Variants in MAST4 observed in about 807,000 individuals in gnomAD.
MAST4 encodes the protein microtubule-associated serine/threonine-protein kinase 4.
In MAST4, 89 loss-of-function variants were observed where a neutral mutation model predicts 162.7. That is an observed-to-expected ratio of 0.55 (90% confidence interval 0.46 to 0.65). The LOEUF (loss-of-function observed/expected upper bound fraction) is 0.65, where lower values mean the gene tolerates loss of function less well. Among genes scored for constraint, MAST4 ranks in the 30% least tolerant of loss-of-function variants. MAST4 has a pLI of 0.00. For missense variants in MAST4, 3,153 were observed against 3,374.0 expected (o/e 0.93, Z 1.62); for synonymous variants, 1,479 against 1,361.1 (o/e 1.09, Z -1.91).
chr5:66,633,767 C>A (rs1433073183), intron 1 of MAST4, among the ~76,000 whole-genome samples: 2 of 152,170 alleles, frequency 1.3e-5, no homozygotes, highest in African/African-American at 4.8e-5. Flanking sequence ...TGCCTATCAT[C>A]TTCATTTTTT....
intron 3 of MAST4, among the ~76,000 whole-genome samples, chr5:66,887,497 A>G (rs568880471): frequency 6.6e-6 from 1 of 152,340 alleles, no homozygotes; most frequent in African/African-American, 2.4e-5. Context: ...TATCTTTCTC[A>G]TATAAAAATA....
At chr5:66,920,365 T>C (rs961829552) in intron 4 of MAST4, among the ~76,000 whole-genome samples, 5 of 152,226 alleles carry the variant, frequency 3.3e-5, no homozygotes, top group African/African-American at 7.2e-5. Flanking sequence ...TGTGTATCTG[T>C]GTAAATTCCA....
At chr5:66,672,400 A>T (rs1747665661) in intron 1 of MAST4, among the ~76,000 whole-genome samples, 1 of 152,156 alleles carries the variant, frequency 6.6e-6, no homozygotes. Context: ...CAGTCATTTT[A>T]ATGTACATCT....
At chr5:66,731,356 C>T (rs945079772) in intron 1 of MAST4, among the ~76,000 whole-genome samples, 1 of 152,188 alleles carries the variant, frequency 6.6e-6, no homozygotes, top group Admixed American at 6.5e-5. Flanking sequence ...AGTTTAATTA[C>T]ATCACCTTTC....
At chr5:67,085,366 T>TG (rs1210298046) in intron 5 of MAST4, among the ~76,000 whole-genome samples, 2 of 152,052 alleles carry the variant, frequency 1.3e-5, no homozygotes, top group Non-Finnish European at 2.9e-5. Context: ...CTTCCACTCT[T>TG]GCCTGCTTAA....
chr5:67,138,023 G>C (rs570087661), intron 19 of MAST4, among the ~76,000 whole-genome samples: 70 of 152,298 alleles, frequency 4.6e-4, no homozygotes, highest in Non-Finnish European at 9.6e-4. Context: ...CAGTGGTTGA[G>C]TGGACTTTTA....
intron 5 of MAST4, among the ~76,000 whole-genome samples, chr5:67,063,044 T>C (rs796292796): frequency 3.9e-5 from 6 of 152,242 alleles, no homozygotes; most frequent in South Asian, 2.1e-4. Context: ...AGATTTCTTA[T>C]AGTGTGTATG....
intron 1 of MAST4, among the ~76,000 whole-genome samples, chr5:66,689,738 T>C (rs1459932146): frequency 6.6e-5 from 10 of 152,182 alleles, no homozygotes; most frequent in Non-Finnish European, 1.0e-4. Flanking sequence ...TAGCTCAGCA[T>C]TTCTGATTAA....
intron 3 of MAST4, among the ~76,000 whole-genome samples, chr5:66,881,537 C>T (rs148488222): frequency 6.6e-6 from 1 of 152,316 alleles, no homozygotes; most frequent in African/African-American, 2.4e-5. Flanking sequence ...CCCACCTCTC[C>T]TATCCTTATG....
At chr5:66,730,868 A>C (rs80242872) in intron 1 of MAST4, among the ~76,000 whole-genome samples, 4,135 of 151,144 alleles carry the variant, frequency 0.027, 103 homozygotes, top group South Asian at 0.064. Flanking sequence ...CCCCTCCCCC[A>C]AAAAAAATAG....
In MAST4 at chr5:67,164,694, G is replaced by T. The variant is rs779486015; in HGVS notation, c.5515G>T (p.Val1839Leu). The T allele has an allele frequency of 2.4e-5, 39 of 1,613,860 alleles. No individual in the cohort carries two copies. Among genetic ancestry groups the T allele is most frequent in the Non-Finnish European group, 3.2e-5 (38 of 1,179,886 alleles). ...CCCAAGTGGTGACGTGAGGGCCTCT[G>T]TGCCACCAGTTCTCCCCAGCAGCAG... The part of the protein sequence containing the change: ...PSPSGDVRAS[V>L]PPVLPSSSGK... Residue 1839 changes from valine (V) to leucine (L), a missense_variant, in exon 29 of 29, where the codon GTG (valine) becomes TTG (leucine). By Grantham distance (32) the Val-to-Leu change is conservative. Coordinates refer to ENST00000403625, the MANE Select transcript of MAST4 (RefSeq NM_001164664.2). This position sits in a 1 kb window ranked among gnomAD's most constrained non-coding sequence, Gnocchi z 5.3.
chr5:66,900,097 A>C (rs1330408554), intron 4 of MAST4, 115 bp downstream of exon 4: 1 of 701,118 alleles, frequency 1.4e-6, no homozygotes, highest in East Asian at 3.2e-5. Context: ...CAACTGAAGA[A>C]AACAAAAAAC....
At chr5:67,112,861 G>C (rs1056998943) in intron 11 of MAST4, among the ~76,000 whole-genome samples, 2 of 152,134 alleles carry the variant, frequency 1.3e-5, no homozygotes, top group African/African-American at 2.4e-5. Flanking sequence ...GGATGGGGCT[G>C]CAACTCCCAA....
chr5:66,807,268 G>A (rs866011711), intron 3 of MAST4, among the ~76,000 whole-genome samples: 4 of 152,066 alleles, frequency 2.6e-5, no homozygotes, highest in Middle Eastern at 3.4e-3. Flanking sequence ...AGGCCGAGGC[G>A]GGTGGATCAT....
chr5:66,685,262 C>CAAACA (rs60672976), intron 1 of MAST4, among the ~76,000 whole-genome samples: 16,331 of 143,772 alleles, frequency 0.11, 949 homozygotes, highest in South Asian at 0.14. Context: ...GACCTTGTCT[C>CAAACA]AAACAAAACA....
chr5:66,924,651 C>G (rs550907156), intron 4 of MAST4, among the ~76,000 whole-genome samples: 8 of 152,220 alleles, frequency 5.3e-5, no homozygotes, highest in Middle Eastern at 3.4e-3. Context: ...CCTCTGCCCC[C>G]CAAAGTGGTG....
At chr5:66,685,137 T>G (rs1173112580) in intron 1 of MAST4, among the ~76,000 whole-genome samples, 1 of 151,890 alleles carries the variant, frequency 6.6e-6, no homozygotes, top group South Asian at 2.1e-4. Context: ...TGGTGCACAC[T>G]TGTAGTCCCA....
At chr5:67,102,095 T>C (rs989922287) in intron 8 of MAST4, among the ~76,000 whole-genome samples, 4 of 151,622 alleles carry the variant, frequency 2.6e-5, no homozygotes, top group Non-Finnish European at 4.4e-5. Flanking sequence ...CAGTGATGTG[T>C]GGCAGACCGC....
chr5:67,138,148 TCTC>T (rs1262479731), intron 19 of MAST4, among the ~76,000 whole-genome samples: 7 of 152,190 alleles, frequency 4.6e-5, no homozygotes, highest in Admixed American at 2.0e-4. Context: ...GCATTGCTCA[TCTC>T]CTCATTTGTG....
Sources: allele counts gnomAD v4.1 joint callset (sites outside exome capture counted in the v4.1 genomes callset), GRCh38; gene constraint gnomAD v4.1.1; non-coding constraint Gnocchi (gnomAD v3.1); transcripts MANE v1.5; gene names NCBI Gene and HGNC (gene_info 2026-07-23, HGNC 2026-07-21).